ERCC6L2: variants seen among roughly 807,000 people sequenced by gnomAD.
The protein encoded by ERCC6L2 is DNA excision repair protein ERCC-6-like 2.
A neutral mutation model predicts 132.0 loss-of-function variants in ERCC6L2; 77 were observed. The ratio of observed to expected loss-of-function variants is 0.58; its 90% CI spans 0.49 to 0.71. The LOEUF is 0.71. Ranked by LOEUF, ERCC6L2 falls within the 30% of genes least tolerant of loss-of-function variation. The pLI is 0.00. For synonymous variants in ERCC6L2, 583 were observed against 632.4 expected, an observed-to-expected ratio of 0.92 and a Z score of 1.17; for missense variants, 1,542 against 1,837.6, an observed-to-expected ratio of 0.84 and a Z score of 2.94.
intron 2 of ERCC6L2, 35 bp downstream of exon 2, chr9:95,881,328 A>G (rs1827580878): frequency 6.7e-7 from 1 of 1,482,396 alleles, no homozygotes; most frequent in African/African-American, 1.4e-5. Flanking sequence ...AAGTCACTTT[A>G]CTGTGTACAT....
At chr9:95,877,565 T>C (rs1827345653) in intron 1 of ERCC6L2, among the ~76,000 whole-genome samples, 1 of 152,148 alleles carries the variant, frequency 6.6e-6, no homozygotes. Flanking sequence ...ACACCTGTAA[T>C]CCCAGTACTT....
intron 2 of ERCC6L2, among the ~76,000 whole-genome samples, chr9:95,886,342 T>A (rs1827866151): frequency 6.6e-6 from 1 of 151,530 alleles, no homozygotes; most frequent in Non-Finnish European, 1.5e-5. Flanking sequence ...ATACATAGGA[T>A]GATGATCATT....
intron 10 of ERCC6L2, among the ~76,000 whole-genome samples, chr9:95,928,434 G>A (rs1830193410): frequency 6.6e-6 from 1 of 151,980 alleles, no homozygotes; most frequent in Non-Finnish European, 1.5e-5. Context: ...TTAAAAAATA[G>A]CATGCATATA....
Position 96,015,367 on chromosome 9 carries a change from T to C in ERCC6L2, c.*2164T>C, listed in dbSNP as rs1045334068. Among the ~76,000 whole-genome samples the C allele has an allele frequency of 1.3e-5, 2 of 151,844 alleles. No homozygotes were observed. Among genetic ancestry groups the C allele is most frequent in the Non-Finnish European group, 2.9e-5 (2 of 67,926 alleles). ...CGCCCAGCTAATTTTTTTGTGTTTT[T>C]AGTAGGGATGGGGTTTCACCATGTT... On this transcript the variant is annotated 3_prime_UTR_variant, in exon 19 of 19. Transcript: ENST00000653738.
chr9:96,015,604 G>A lies in ERCC6L2; in HGVS notation c.*2401G>A, dbSNP rs2133236584. On this transcript the variant is annotated 3_prime_UTR_variant, in exon 19 of 19. Coordinates refer to ENST00000653738, the MANE Select transcript of ERCC6L2 (RefSeq NM_020207.7). ...AGGTCATGAGATCGAGACTATCCTG[G>A]CTAACGCGGTGAAACCCCGTCTCTA... Among the ~76,000 whole-genome samples, 1 of 151,284 alleles carries A rather than the reference G, an allele frequency of 6.6e-6. No individual in the cohort carries two copies. Among genetic ancestry groups the A allele is most frequent in the East Asian group, 2.0e-4 (1 of 5,008 alleles).
At chr9:95,991,940 T>C (rs1833316652) in intron 17 of ERCC6L2, among the ~76,000 whole-genome samples, 2 of 152,200 alleles carry the variant, frequency 1.3e-5, no homozygotes, top group African/African-American at 4.8e-5. Flanking sequence ...TTTGGTATAG[T>C]GTCAAAGAAA....
chr9:95,916,835 A>G (rs1424004779), intron 6 of ERCC6L2, among the ~76,000 whole-genome samples: 2 of 151,860 alleles, frequency 1.3e-5, no homozygotes, highest in African/African-American at 4.8e-5. Flanking sequence ...TATGTGCACC[A>G]CCACGCCTGG....
At chr9:95,898,327 G>GTGA (rs1276938090) in intron 3 of ERCC6L2, among the ~76,000 whole-genome samples, 1 of 152,106 alleles carries the variant, frequency 6.6e-6, no homozygotes. Context: ...TTTTATTTAT[G>GTGA]TGAGAATGAA....
intron 15 of ERCC6L2, 114 bp downstream of exon 15, chr9:95,970,770 T>G (rs1832378923): frequency 1.6e-6 from 1 of 615,426 alleles, no homozygotes; most frequent in Non-Finnish European, 2.3e-6. Context: ...AAATTAAGAG[T>G]CAAGGACACA....
At chr9:95,897,510 A>G (rs1828528452) in intron 2 of ERCC6L2, among the ~76,000 whole-genome samples, 1 of 152,192 alleles carries the variant, frequency 6.6e-6, no homozygotes, top group Admixed American at 6.5e-5. Context: ...AAGAATGTAT[A>G]CAGTTTATTC....
intron 12 of ERCC6L2, among the ~76,000 whole-genome samples, chr9:95,945,421 G>A (rs1370338340): frequency 2.6e-5 from 4 of 152,120 alleles, no homozygotes; most frequent in Non-Finnish European, 5.9e-5. Context: ...AACAATTTGT[G>A]CAGTTAACGC....
At chr9:95,959,717 G>A (rs1831809268) in intron 13 of ERCC6L2, among the ~76,000 whole-genome samples, 1 of 150,578 alleles carries the variant, frequency 6.6e-6, no homozygotes, top group African/African-American at 2.4e-5. Context: ...GTGGGCAAAG[G>A]ACATGAACAG....
At chr9:95,954,739 A>G (rs983213783) in intron 12 of ERCC6L2, 1 of 470,466 alleles carries the variant, frequency 2.1e-6, no homozygotes, top group Non-Finnish European at 4.4e-6. Context: ...ACCCAAACAC[A>G]TTGTAGGAGA....
intron 13 of ERCC6L2, among the ~76,000 whole-genome samples, chr9:95,959,721 T>A (rs931939889): frequency 6.0e-5 from 9 of 150,584 alleles, no homozygotes; most frequent in Admixed American, 1.3e-4. Context: ...GCAAAGGACA[T>A]GAACAGACAC....
At chr9:95,944,839 A>G (rs1830975818) in intron 12 of ERCC6L2, among the ~76,000 whole-genome samples, 1 of 152,142 alleles carries the variant, frequency 6.6e-6, no homozygotes, top group Admixed American at 6.5e-5. Context: ...AGCGATTTTC[A>G]AAAGGGGAGG....
rs1461948076 is a variant in ERCC6L2 at position 95,923,392 on chromosome 9, C to T, written c.1533+13C>T. 2.5e-6 allele frequency: 4 copies of T among 1,612,482 alleles called. No homozygotes were observed. The highest frequency in any genetic ancestry group is 3.4e-6 in the Non-Finnish European group (4 of 1,179,130). ...TGGAAAAATGAAGGTAAGTGCTCCT[C>T]TTTCAGGTTGCATACAGACATGATA... On this transcript the variant is annotated intron_variant, in intron 9 of 18. Transcript: ENST00000653738.
rs1827560101 is a variant in ERCC6L2 at position 95,881,020 on chromosome 9, T to G, written c.198T>G (p.Leu66=). ...ATTTTCAAGAAAGGAAAATACCTCT[T>G]AAACAGCTTCAAGAAGTGAAATTTG... is the stretch of plus-strand genomic sequence containing the variant. ...YADFQERKIP[L]KQLQEVKFVK... Residue 66 remains leucine (L), a synonymous_variant, in exon 2 of 19, where the codon CTT becomes CTG. Coordinates refer to ENST00000653738, the MANE Select transcript of ERCC6L2 (RefSeq NM_020207.7). The G allele has an allele frequency of 1.2e-6, 2 of 1,613,926 alleles. No individual in the cohort carries two copies. Among genetic ancestry groups the G allele is most frequent in the Non-Finnish European group, 1.7e-6 (2 of 1,179,944 alleles).
chr9:95,963,832 G>C (rs74383406), intron 13 of ERCC6L2, among the ~76,000 whole-genome samples: 1 of 152,112 alleles, frequency 6.6e-6, no homozygotes, highest in African/African-American at 2.4e-5. Context: ...AGGCCAAGCA[G>C]TATTGGCAGG....
chr9:96,004,479 A>G (rs1451345484), intron 17 of ERCC6L2, 41 bp from the exon 18 acceptor site: 13 of 1,178,260 alleles, frequency 1.1e-5, no homozygotes, highest in African/African-American at 1.6e-5. Flanking sequence ...AACAATGACT[A>G]TTTTTTCAGA....
Sources: allele counts gnomAD v4.1 joint callset (sites outside exome capture counted in the v4.1 genomes callset), GRCh38; gene constraint gnomAD v4.1.1; transcripts MANE v1.5; gene names NCBI Gene and HGNC (gene_info 2026-07-23, HGNC 2026-07-21).